Variants in STK10 observed in about 807,000 individuals in gnomAD.
STK10 encodes the protein serine/threonine kinase 10.
STK10 carries 78 observed loss-of-function variants against 113.8 expected under a neutral mutation model. The observed-to-expected ratio is 0.69, with a 90% CI of 0.57 to 0.83. STK10 has a LOEUF of 0.83. Among genes scored for constraint, STK10 ranks in the 40% least tolerant of loss-of-function variants. The probability of loss-of-function intolerance (pLI) is 0.00; values close to 1 mark genes in which losing one functional copy is unlikely to be tolerated. For synonymous variants in STK10, 465 were observed against 494.7 expected (o/e 0.94, Z 0.80); for missense variants, 1,109 against 1,280.1 (o/e 0.87, Z 2.04).
intron 12 of STK10, among the ~76,000 whole-genome samples, chr5:172,079,182 C>G (rs973676348): frequency 1.8e-4 from 27 of 152,204 alleles, no homozygotes; most frequent in Admixed American, 7.2e-4. Flanking sequence ...CTCTGCCTAC[C>G]TGTCTGATTC....
At chr5:172,109,666 C>G (rs929096410) in intron 4 of STK10, among the ~76,000 whole-genome samples, 1 of 152,154 alleles carries the variant, frequency 6.6e-6, no homozygotes, top group Admixed American at 6.5e-5. Flanking sequence ...ACACCCGCTG[C>G]TAAGAGAAGA....
At chr5:172,143,596 G>T (rs1234034101) in intron 2 of STK10, among the ~76,000 whole-genome samples, 1 of 152,182 alleles carries the variant, frequency 6.6e-6, no homozygotes, top group Admixed American at 6.5e-5. Context: ...TGTGGACATG[G>T]TCCTGGGTCT....
At chr5:172,151,841 C>A (rs1006416691) in intron 2 of STK10, among the ~76,000 whole-genome samples, 1 of 152,236 alleles carries the variant, frequency 6.6e-6, no homozygotes, top group Non-Finnish European at 1.5e-5. Flanking sequence ...GACAGTCTAG[C>A]CTCGGTTCAC....
rs776837692 is a variant in STK10, at chr5:172,093,494, C to T, written c.1472G>A (p.Cys491Tyr). 1.9e-6 allele frequency: 3 copies of T among 1,614,090 alleles called. No homozygotes were observed. Among genetic ancestry groups the T allele is most frequent in the African/African-American group, 2.7e-5 (2 of 74,934 alleles). ...ACCATAGTCCATGCTCTCAGAGGTG[C>T]AGAGGCTGCTGCAGTCCGAGTCCCT... Reference protein sequence around the residue: ...SKRDSDCSSLCTSESMDYGTN... With the variant: ...SKRDSDCSSLYTSESMDYGTN... The change falls in exon 9 of 19, where the codon TGC becomes TAC. Residue 491 changes from cysteine to tyrosine, a missense_variant. Physicochemically the swap from Cys to Tyr is radical, Grantham distance 194 (BLOSUM62 -2). Coordinates refer to ENST00000176763, the MANE Select transcript of STK10 (RefSeq NM_005990.4). This position sits in a 1 kb window ranked among gnomAD's most constrained non-coding sequence, Gnocchi z 4.1.
rs1252650342 is a variant in STK10 at position 172,059,854 on chromosome 5, T to C, written c.2212+1285A>G. On this transcript the variant is annotated intron_variant, in intron 14 of 18. Coordinates refer to ENST00000176763, the MANE Select transcript of STK10 (RefSeq NM_005990.4). ...CTTGTGGTCATTTATTTTTCCTCAA[T>C]CAGCCCAGAAATCCCTTGAACTCCC... Among the ~76,000 whole-genome samples the C allele has an allele frequency of 2.0e-5, 3 of 152,256 alleles. No individual in the cohort carries two copies. The East Asian group carries it at 5.8e-4, about 29-fold the overall frequency.
chr5:172,145,921 C>T (rs1770077425), intron 2 of STK10, among the ~76,000 whole-genome samples: 1 of 152,206 alleles, frequency 6.6e-6, no homozygotes, highest in Non-Finnish European at 1.5e-5. Flanking sequence ...ATAGAGACAG[C>T]CCTGCACCAG....
At chr5:172,064,509 T>C (rs1768022074) in intron 13 of STK10, 1 of 601,570 alleles carries the variant, frequency 1.7e-6, no homozygotes. Context: ...TATCCAGAGA[T>C]GGAAGAGCTT....
intron 18 of STK10, chr5:172,045,309 C>G (rs1767472870): frequency 3.5e-6 from 2 of 567,630 alleles, no homozygotes; most frequent in African/African-American, 3.7e-5. Context: ...AGATGCAAAT[C>G]CCCTGGCAGG....
intron 4 of STK10, among the ~76,000 whole-genome samples, chr5:172,108,973 T>C (rs1326130209): frequency 6.6e-6 from 1 of 152,040 alleles, no homozygotes; most frequent in East Asian, 2.0e-4. Context: ...TTAGTAGAGA[T>C]GGAGTTTCAC....
intron 12 of STK10, among the ~76,000 whole-genome samples, chr5:172,070,221 C>A (rs1187654560): frequency 1.3e-5 from 2 of 151,600 alleles, no homozygotes; most frequent in Non-Finnish European, 2.9e-5. Flanking sequence ...GCACTCCAGC[C>A]TGGGCGACAA....
rs1422087461 is a variant in STK10, at chr5:172,042,392, C to G, written c.*2490G>C. The G allele has an allele frequency of 2.6e-5, 4 of 152,642 alleles. No individual in the cohort carries two copies. The highest frequency in any genetic ancestry group is 9.7e-5 in the African/African-American group (4 of 41,450). 9.5% of individuals were successfully genotyped at this position (152,642 alleles called of 1,614,324 possible). On this transcript the variant is annotated 3_prime_UTR_variant, in exon 19 of 19. Transcript: ENST00000176763. ...CCGCCAGTCCCCATCCAGAAAAGCACAGGGGAGCTCTGAGGGCTCAGGCGG... is the reference window on the plus strand; with the variant it reads ...CCGCCAGTCCCCATCCAGAAAAGCAGAGGGGAGCTCTGAGGGCTCAGGCGG...
chr5:172,082,233 G>A lies in STK10; in HGVS notation c.1989+93C>T, dbSNP rs1226841057. On this transcript the variant is annotated intron_variant, in intron 12 of 18. Coordinates refer to ENST00000176763, the MANE Select transcript of STK10 (RefSeq NM_005990.4). The surrounding 1 kb of genome is among the most constrained non-coding windows in gnomAD (Gnocchi z 4.3). ...CCGAGCTCTTCAGCCGTACCCCTCT[G>A]CTGCCAAGGTGAGGTTGAGGCCACG... 2.2e-6 allele frequency: 3 copies of A among 1,384,436 alleles called. No homozygotes were observed. Among genetic ancestry groups the A allele is most frequent in the Non-Finnish European group, 2.9e-6 (3 of 1,051,838 alleles). The allele number at this position is 1,384,436 out of a possible 1,614,324, so 85.8% of individuals were successfully genotyped here. A position where few individuals can be genotyped will look rare whatever the true frequency, so the allele number is the denominator to read the frequency against.
chr5:172,102,447 A>G (rs1230998155), intron 7 of STK10, among the ~76,000 whole-genome samples: 2 of 152,204 alleles, frequency 1.3e-5, no homozygotes, highest in African/African-American at 4.8e-5. Context: ...CCGGGGAGTC[A>G]ACAGCTGGAC....
chr5:172,154,343 C>T (rs573933886), intron 2 of STK10, among the ~76,000 whole-genome samples: 2 of 152,274 alleles, frequency 1.3e-5, no homozygotes, highest in Admixed American at 6.5e-5. Flanking sequence ...TACAACATGG[C>T]CCCCAATTAC....
chr5:172,142,947 C>CA (rs571421133), intron 2 of STK10, among the ~76,000 whole-genome samples: 57 of 152,330 alleles, frequency 3.7e-4, no homozygotes, highest in African/African-American at 1.3e-3. Flanking sequence ...CCCTACTGGT[C>CA]AGCACACACA....
chr5:172,160,604 C>A (rs1360788253), intron 1 of STK10, among the ~76,000 whole-genome samples: 1 of 152,196 alleles, frequency 6.6e-6, no homozygotes, highest in Non-Finnish European at 1.5e-5. Context: ...TCCACCGTGG[C>A]ACCTTCCTAA....
At chr5:172,054,910 A>G (rs1199514490) in intron 16 of STK10, among the ~76,000 whole-genome samples, 1 of 152,158 alleles carries the variant, frequency 6.6e-6, no homozygotes. Context: ...TGGTGGGGAC[A>G]TGACACTGCA....
chr5:172,138,848 T>TA (rs879439283), intron 2 of STK10, among the ~76,000 whole-genome samples: 6 of 151,882 alleles, frequency 4.0e-5, no homozygotes, highest in Non-Finnish European at 5.9e-5. Context: ...CCGTCTCTAC[T>TA]AAAAAAGTAC....
chr5:172,179,783 G>A (rs1304501228), intron 1 of STK10, among the ~76,000 whole-genome samples: 3 of 152,194 alleles, frequency 2.0e-5, no homozygotes, highest in African/African-American at 7.2e-5. Flanking sequence ...GAGGAGGGGA[G>A]GACTGAGACC....
Sources: allele counts gnomAD v4.1 joint callset (sites outside exome capture counted in the v4.1 genomes callset), GRCh38; gene constraint gnomAD v4.1.1; non-coding constraint Gnocchi (gnomAD v3.1); transcripts MANE v1.5; gene names NCBI Gene and HGNC (gene_info 2026-07-23, HGNC 2026-07-21).